AMELX: variants seen among roughly 807,000 people sequenced by gnomAD.
AMELX encodes amelogenin, X isoform.
Under a neutral mutation model 15.8 loss-of-function variants are expected in AMELX, and 9 were observed. The ratio of observed to expected loss-of-function variants is 0.57; its 90% CI spans 0.34 to 0.99. The LOEUF (loss-of-function observed/expected upper bound fraction) is 0.99, where lower values mean the gene tolerates loss of function less well. Among genes scored for constraint, AMELX ranks in the 50% least tolerant of loss-of-function variants. AMELX has a pLI of 0.02. For missense variants in AMELX, 107 were observed against 156.2 expected, an observed-to-expected ratio of 0.68 and a Z score of 1.68; for synonymous variants, 61 against 58.8, an observed-to-expected ratio of 1.04 and a Z score of -0.17.
chrX:11,296,903 AT>A (rs2048094650), intron 3 of AMELX, 77 bp downstream of exon 3: 1 of 1,108,389 alleles, frequency 9.0e-7, no homozygotes, highest in East Asian at 3.0e-5. Context: ...TAGTGTGTTG[AT>A]TCTTTATCCC....
chrX:11,303,137 G>T (rs2048191406), downstream of AMELX, among the ~76,000 whole-genome samples: 1 of 112,683 alleles, frequency 8.9e-6, no homozygotes, highest in East Asian at 2.8e-4. Context: ...GAACATAGTA[G>T]CATTTAGTAG....
downstream of AMELX, among the ~76,000 whole-genome samples, chrX:11,303,905 G>A (rs147408241): frequency 4.2e-3 from 469 of 111,768 alleles, 2 homozygotes; most frequent in African/African-American, 0.014. Context: ...TCTGCTCTGA[G>A]TCTTTTCATG....
chrX:11,295,380 T>C (rs1279942599), intron 2 of AMELX, among the ~76,000 whole-genome samples: 1 of 111,390 alleles, frequency 9.0e-6, no homozygotes, highest in Non-Finnish European at 1.9e-5. Context: ...TTTGGGTACA[T>C]CTGATGAGTA....
At chrX:11,296,326 T>C (rs1440370046) in intron 2 of AMELX, among the ~76,000 whole-genome samples, 1 of 112,435 alleles carries the variant, frequency 8.9e-6, no homozygotes, top group Non-Finnish European at 1.9e-5. Context: ...AATTCTCTCC[T>C]TGTTGATATT....
chrX:11,293,729 C>T (rs776624092), intron 1 of AMELX, among the ~76,000 whole-genome samples: 17 of 111,527 alleles, frequency 1.5e-4, no homozygotes, highest in African/African-American at 4.2e-4. Flanking sequence ...AATTAATTAT[C>T]GATTAAAGTA....
intron 5 of AMELX, among the ~76,000 whole-genome samples, chrX:11,299,448 C>T (rs1231559975): frequency 8.9e-6 from 1 of 111,779 alleles, no homozygotes; most frequent in Admixed American, 9.5e-5. Flanking sequence ...CTTCAAAAAC[C>T]TACAGGAAGA....
rs372488657 is a variant in AMELX, at chrX:11,300,626, G to A, written c.*14G>A. 3 of 1,193,991 alleles carry A rather than the reference G, an allele frequency of 2.5e-6. No individual in the cohort carries two copies. The African/African-American group carries it at 5.3e-5, about 21-fold the overall frequency. On this transcript the variant is annotated 3_prime_UTR_variant, in exon 6 of 6. Coordinates refer to ENST00000380714, the MANE Select transcript of AMELX (RefSeq NM_001142.2). ...TTTCAGGATTAAAAGATCAGAAGAT[G>A]AGAGGGGAATGAATACTTCAGATGC... is the stretch of plus-strand genomic sequence containing the variant.
intron 3 of AMELX, among the ~76,000 whole-genome samples, chrX:11,297,235 G>A (rs1353950750): frequency 8.9e-6 from 1 of 112,097 alleles, no homozygotes; most frequent in African/African-American, 3.2e-5. Flanking sequence ...CTCTATGTGT[G>A]TCTCTTGCTT....
At chrX:11,306,266 G>A in the AMELX span, among the ~76,000 whole-genome samples, 1 of 112,246 alleles carries the variant, frequency 8.9e-6, no homozygotes, top group Admixed American at 9.4e-5. Flanking sequence ...AGGCTCAGAG[G>A]TTTCCCAGGA....
rs2048123557 is a variant in AMELX, at chrX:11,298,595, A to G, written c.192A>G (p.Gln64=). 1.7e-6 allele frequency: 2 copies of G among 1,208,437 alleles called. No individual in the cohort carries two copies. The highest frequency in any genetic ancestry group is 2.2e-5 in the Admixed American group (1 of 45,600). ...YEPMGGWLHH[Q]IIPVLSQQHP... ...CCATGGGTGGATGGCTGCACCACCA[A>G]ATCATCCCCGTGCTGTCCCAACAGC... Residue 64 remains glutamine (Q), a synonymous_variant, in exon 5 of 6, where the codon CAA becomes CAG. Coordinates refer to ENST00000380714, the MANE Select transcript of AMELX (RefSeq NM_001142.2).
chrX:11,299,145 C>A (rs1243442902), intron 5 of AMELX, among the ~76,000 whole-genome samples, 172 bp downstream of exon 5: 1 of 111,699 alleles, frequency 9.0e-6, no homozygotes, highest in Non-Finnish European at 1.9e-5. Context: ...AAGACAAATT[C>A]CTCTAAATGG....
rs754022687 is a variant in AMELX, at chrX:11,298,566, G to A, written c.163G>A (p.Glu55Lys). 4 of 1,208,726 alleles carry A rather than the reference G, an allele frequency of 3.3e-6. No homozygotes were observed. Among genetic ancestry groups the A allele is most frequent in the East Asian group, 3.0e-5 (1 of 33,728 alleles). ...IRPPYPSYGY[E>K]PMGGWLHHQI... is the part of the protein sequence containing the mutation. ...TCACCAGTACCCTTCCTATGGTTAC[G>A]AGCCCATGGGTGGATGGCTGCACCA... The change falls in exon 5 of 6, where the codon GAG becomes AAG. Residue 55 changes from glutamate (E) to lysine (K), a missense_variant. Coordinates refer to ENST00000380714, the MANE Select transcript of AMELX (RefSeq NM_001142.2).
At chrX:11,300,336 C>G (rs2048154596) in intron 5 of AMELX, among the ~76,000 whole-genome samples, 1 of 111,110 alleles carries the variant, frequency 9.0e-6, no homozygotes, top group African/African-American at 3.3e-5. Context: ...AGCTTGGAGC[C>G]TGACATGCAA....
intron 2 of AMELX, among the ~76,000 whole-genome samples, chrX:11,295,266 T>C (rs1249819055): frequency 9.0e-6 from 1 of 111,429 alleles, no homozygotes; most frequent in Non-Finnish European, 1.9e-5. Flanking sequence ...TCCAAATCTC[T>C]TCCTGCCCTC....
chrX:11,306,469 A>G, the AMELX span, among the ~76,000 whole-genome samples: 1 of 112,567 alleles, frequency 8.9e-6, no homozygotes, highest in Non-Finnish European at 1.9e-5. Flanking sequence ...TAATAATAAC[A>G]CTGAACATTT....
chrX:11,294,402 T>C (rs1010111173), intron 1 of AMELX, among the ~76,000 whole-genome samples: 5 of 112,551 alleles, frequency 4.4e-5, no homozygotes, highest in African/African-American at 1.6e-4. Flanking sequence ...TGCACTTTGA[T>C]GATCTTCCCA....
At position 11,300,667 on chromosome X, in the gene AMELX, A is replaced by G; in HGVS notation, c.*55A>G. The G allele has an allele frequency of 1.8e-6, 2 of 1,109,973 alleles. No individual in the cohort carries two copies. Among genetic ancestry groups the G allele is most frequent in the Non-Finnish European group, 2.5e-6 (2 of 809,441 alleles). 91.5% of individuals were successfully genotyped at this position (1,109,973 alleles called of 1,213,427 possible). The stretch of plus-strand genomic sequence containing the variant: ...CTTCAGATGCTTTCAGGAGTGACAC[A>G]AGAACACAATGATTTTTGCTTATAA... On this transcript the variant is annotated 3_prime_UTR_variant, in exon 6 of 6. Transcript: ENST00000380714.
downstream of AMELX, among the ~76,000 whole-genome samples, chrX:11,304,562 A>G (rs5979398): frequency 0.19 from 20,510 of 108,732 alleles, 1,578 homozygotes; most frequent in Middle Eastern, 0.29. Context: ...TGAGGGTAAC[A>G]GGAGAGCAAC....
chrX:11,301,010 A>G (rs2048167812), downstream of AMELX, among the ~76,000 whole-genome samples: 1 of 112,067 alleles, frequency 8.9e-6, no homozygotes, highest in Non-Finnish European at 1.9e-5. Context: ...AATATGTACA[A>G]TAACTAAAAC....
Sources: allele counts gnomAD v4.1 joint callset (sites outside exome capture counted in the v4.1 genomes callset), GRCh38; gene constraint gnomAD v4.1.1; transcripts MANE v1.5; gene names NCBI Gene and HGNC (gene_info 2026-07-23, HGNC 2026-07-21).